L3MBTL4: variants seen among roughly 807,000 people sequenced by gnomAD.
The protein encoded by L3MBTL4 is L3MBTL histone methyl-lysine binding protein 4, also known as lethal(3)malignant brain tumor-like protein 4.
L3MBTL4 carries 70 observed loss-of-function variants against 84.5 expected under a neutral mutation model. That is an observed-to-expected ratio of 0.83 (90% CI 0.68 to 1.01). The LOEUF (loss-of-function observed/expected upper bound fraction) is 1.01. Among genes scored for constraint, L3MBTL4 ranks in the 50% least tolerant of loss-of-function variants. The pLI is 0.00. For synonymous variants in L3MBTL4, 274 were observed against 259.8 expected (o/e 1.05, Z -0.52); for missense variants, 715 against 754.8 (o/e 0.95, Z 0.62).
intron 14 of L3MBTL4, among the ~76,000 whole-genome samples, chr18:6,136,048 G>A (rs1158918454): frequency 6.6e-6 from 1 of 152,204 alleles, no homozygotes. Flanking sequence ...AAGGGAAAAT[G>A]AGGAAGAAAG....
intron 16 of L3MBTL4, among the ~76,000 whole-genome samples, chr18:5,971,438 C>T (rs918225879): frequency 1.3e-5 from 2 of 152,160 alleles, no homozygotes; most frequent in African/African-American, 4.8e-5. Flanking sequence ...ATAGTGTGGA[C>T]TTAAACTCAA....
intron 1 of L3MBTL4, among the ~76,000 whole-genome samples, chr18:6,317,546 C>CA (rs1190062380): frequency 6.6e-6 from 1 of 151,768 alleles, no homozygotes; most frequent in Non-Finnish European, 1.5e-5. Context: ...CCCAATCAAA[C>CA]AAAAATTTAA....
intron 4 of L3MBTL4, among the ~76,000 whole-genome samples, chr18:6,278,152 A>T (rs550004605): frequency 3.3e-5 from 5 of 152,242 alleles, no homozygotes; most frequent in African/African-American, 1.2e-4. Context: ...ATTAATGATG[A>T]TAGTGGTATC....
intron 3 of L3MBTL4, among the ~76,000 whole-genome samples, chr18:6,306,121 C>A (rs2050575448): frequency 6.6e-6 from 1 of 152,190 alleles, no homozygotes; most frequent in South Asian, 2.1e-4. Context: ...TATTTAATAA[C>A]CCCAGTGACA....
At chr18:6,028,442 T>C (rs1028003720) in intron 16 of L3MBTL4, among the ~76,000 whole-genome samples, 4 of 152,252 alleles carry the variant, frequency 2.6e-5, no homozygotes, top group African/African-American at 9.6e-5. Context: ...ACTGTAGCCT[T>C]GCAGTATAGT....
chr18:6,067,485 A>C (rs1175183347), intron 16 of L3MBTL4, among the ~76,000 whole-genome samples: 1 of 152,074 alleles, frequency 6.6e-6, no homozygotes, highest in African/African-American at 2.4e-5. Context: ...TGTACACTTT[A>C]TTCATTTCTT....
At chr18:6,005,448 C>T (rs962529142) in intron 16 of L3MBTL4, among the ~76,000 whole-genome samples, 1 of 152,154 alleles carries the variant, frequency 6.6e-6, no homozygotes, top group Non-Finnish European at 1.5e-5. Flanking sequence ...AGATAATAAA[C>T]ATAGTACCTG....
intron 16 of L3MBTL4, among the ~76,000 whole-genome samples, chr18:6,023,851 T>C (rs1206408347): frequency 6.6e-6 from 1 of 151,516 alleles, no homozygotes; most frequent in Non-Finnish European, 1.5e-5. Flanking sequence ...TCGTGCAGTG[T>C]TTCAGTGGTA....
At chr18:6,326,302 G>C (rs1394620162) in intron 1 of L3MBTL4, 1 of 152,216 alleles carries the variant, frequency 6.6e-6, no homozygotes, top group Non-Finnish European at 1.5e-5. Context: ...TCTGTGACAA[G>C]ATCAGACAGA....
At chr18:6,308,555 C>A (rs982115221) in intron 3 of L3MBTL4, among the ~76,000 whole-genome samples, 3 of 152,042 alleles carry the variant, frequency 2.0e-5, no homozygotes, top group Admixed American at 6.6e-5. Flanking sequence ...CACAGTAGGG[C>A]ACTGTTAAAA....
intron 14 of L3MBTL4, among the ~76,000 whole-genome samples, chr18:6,099,609 G>GATATATATATATAT (rs2058751081): frequency 5.4e-5 from 2 of 37,066 alleles, no homozygotes; most frequent in East Asian, 2.0e-3. Context: ...TATATATATG[G>GATATATATATATAT]AGAGAGAGAG....
rs1247072964 is a variant in L3MBTL4, at chr18:6,244,512, G to A, written c.296C>T (p.Ser99Leu). ...RLEGIDPRHP[S>L]VFCVLSVAEV... ...CGCTACAGAAAGCACACAGAATACC[G>A]ATGGATGTCGGGGATCAATGCCTTC... Residue 99 changes from serine to leucine, a missense_variant, in exon 6 of 19, where the codon TCG (serine) becomes TTG (leucine). Coordinates refer to ENST00000317931, the MANE Select transcript of L3MBTL4 (RefSeq NM_001330559.2). 3.7e-6 allele frequency: 6 copies of A among 1,613,028 alleles called. No individual in the cohort carries two copies. Among genetic ancestry groups the A allele is most frequent in the South Asian group, 3.3e-5 (3 of 91,036 alleles).
chr18:6,121,173 T>G (rs967430920), intron 14 of L3MBTL4, among the ~76,000 whole-genome samples: 6 of 152,242 alleles, frequency 3.9e-5, no homozygotes, highest in African/African-American at 1.4e-4. Context: ...TGTATCTATT[T>G]TAGTAAGCAG....
chr18:6,095,904 T>C (rs1004624081), intron 14 of L3MBTL4, among the ~76,000 whole-genome samples: 15 of 152,120 alleles, frequency 9.9e-5, no homozygotes, highest in Non-Finnish European at 1.9e-4. Context: ...GAAAGAACTT[T>C]CTGTAGGCAA....
At chr18:5,980,411 A>G (rs2053158368) in intron 16 of L3MBTL4, among the ~76,000 whole-genome samples, 1 of 149,110 alleles carries the variant, frequency 6.7e-6, no homozygotes, top group African/African-American at 2.5e-5. Context: ...TTGAAAACGT[A>G]TAAATAAATT....
At chr18:5,999,486 A>G (rs2054122791) in intron 16 of L3MBTL4, among the ~76,000 whole-genome samples, 1 of 152,216 alleles carries the variant, frequency 6.6e-6, no homozygotes, top group Non-Finnish European at 1.5e-5. Context: ...TGTGCTTCAT[A>G]AAAATGTGTT....
In L3MBTL4 at chr18:6,248,932, T is replaced by A. The variant is rs532811095; in HGVS notation, c.220-4344A>T. On this transcript the variant is annotated intron_variant, in intron 5 of 18. Coordinates refer to ENST00000317931, the MANE Select transcript of L3MBTL4 (RefSeq NM_001330559.2). ...AAATATCGTTAAATTTTTCTTACAT[T>A]CTGAGGTCATTTTAGAAGCTTCTAA... Among the ~76,000 whole-genome samples, 194 of 152,354 alleles carry A rather than the reference T, an allele frequency of 1.3e-3. 2 individuals carry two copies. In the South Asian group the frequency reaches 0.016, roughly 12 times the overall value.
At position 6,125,601 on chromosome 18, in the gene L3MBTL4, T is replaced by C. The variant is rs193284864; in HGVS notation, c.1199+12593A>G. On this transcript the variant is annotated intron_variant, in intron 14 of 18. Transcript: ENST00000317931. ...ACACCACCACACCCCACTAATGTCATGTATTTTTTGTAGAGATGAGGTCTT... is the reference window on the plus strand; with the variant it reads ...ACACCACCACACCCCACTAATGTCACGTATTTTTTGTAGAGATGAGGTCTT... Among the ~76,000 whole-genome samples, 103 of 152,206 alleles carry C rather than the reference T, an allele frequency of 6.8e-4. 2 individuals are homozygous for C. The highest frequency in any genetic ancestry group is 2.5e-3 in the African/African-American group (102 of 41,538).
chr18:6,389,258 C>T (rs341206), intron 1 of L3MBTL4, among the ~76,000 whole-genome samples: 76,947 of 151,908 alleles, frequency 0.51, 19,555 homozygotes, highest in East Asian at 0.59. Flanking sequence ...GGGAATTCGT[C>T]ACTACCAGAA....
Sources: allele counts gnomAD v4.1 joint callset (sites outside exome capture counted in the v4.1 genomes callset), GRCh38; gene constraint gnomAD v4.1.1; transcripts MANE v1.5; gene names NCBI Gene and HGNC (gene_info 2026-07-23, HGNC 2026-07-21).